GRK5: variants seen among roughly 807,000 people sequenced by gnomAD.
GRK5 encodes g protein-coupled receptor kinase GRK5.
A neutral mutation model predicts 78.4 loss-of-function variants in GRK5; 40 were observed. The observed-to-expected ratio is 0.51, with a 90% CI of 0.40 to 0.66. The LOEUF (loss-of-function observed/expected upper bound fraction) is 0.66. Among genes scored for constraint, GRK5 ranks in the 30% least tolerant of loss-of-function variants. The pLI, the probability that GRK5 is intolerant of heterozygous loss-of-function variation, is 0.00. For synonymous variants in GRK5, 289 were observed against 296.8 expected (o/e 0.97, Z 0.27); for missense variants, 598 against 759.9 (o/e 0.79, Z 2.50).
At chr10:119,453,738 A>G (rs1853342747) in intron 15 of GRK5, among the ~76,000 whole-genome samples, 1 of 152,196 alleles carries the variant, frequency 6.6e-6, no homozygotes. Flanking sequence ...ACGAAGCCTC[A>G]GTCATATAAA....
chr10:119,279,413 G>A (rs1321679208), intron 1 of GRK5, among the ~76,000 whole-genome samples: 5 of 152,162 alleles, frequency 3.3e-5, no homozygotes, highest in African/African-American at 2.4e-5. Flanking sequence ...AAGATGAGCT[G>A]GATAGTTCTT....
rs1852793103 is a variant in GRK5 at position 119,430,466 on chromosome 10, A to G, written c.597+28A>G. 4 of 1,598,116 alleles carry G rather than the reference A, an allele frequency of 2.5e-6. No homozygotes were observed. The highest frequency in any genetic ancestry group is 3.4e-6 in the Non-Finnish European group (4 of 1,167,460). On this transcript the variant is annotated intron_variant, in intron 7 of 15. Coordinates refer to ENST00000392870, the MANE Select transcript of GRK5 (RefSeq NM_005308.3). This position sits in a 1 kb window ranked among gnomAD's most constrained non-coding sequence, Gnocchi z 4.5. ...GAGTGAACATTCACGTTTTTAATTG[A>G]AAGTTCTTACATTCAAGTCACCTTT...
At chr10:119,327,663 G>A (rs1367993223) in intron 2 of GRK5, among the ~76,000 whole-genome samples, 1 of 152,162 alleles carries the variant, frequency 6.6e-6, no homozygotes, top group Non-Finnish European at 1.5e-5. Context: ...GTCCCCACCA[G>A]TTTCCAGGGC....
intron 12 of GRK5, 54 bp downstream of exon 12, chr10:119,443,806 GCCTGGCC>G (rs1853088345): frequency 1.4e-6 from 2 of 1,459,670 alleles, no homozygotes; most frequent in East Asian, 4.7e-5. Flanking sequence ...CCCTCCCTGG[GCCTGGCC>G]CCAGTCTGTC....
At position 119,379,582 on chromosome 10, in the gene GRK5, G is replaced by A. The variant is rs1194571483; in HGVS notation, c.149-1233G>A. ...GACTATAGTCATCCCTTCCCTGCAA[G>A]TTGCTGTCCTTCCCAGGCTCTATCG... is the stretch of plus-strand genomic sequence containing the variant. On this transcript the variant is annotated intron_variant, in intron 2 of 15. Transcript: ENST00000392870. The surrounding 1 kb of genome is among the most constrained non-coding windows in gnomAD (Gnocchi z 4.1). 6.6e-6 allele frequency among the ~76,000 whole-genome samples: 1 copy of A among 152,184 alleles called. No homozygotes were observed. Among genetic ancestry groups the A allele is most frequent in the Non-Finnish European group, 1.5e-5 (1 of 68,028 alleles).
intron 2 of GRK5, among the ~76,000 whole-genome samples, chr10:119,348,186 A>G (rs944151015): frequency 6.6e-6 from 1 of 152,170 alleles, no homozygotes; most frequent in African/African-American, 2.4e-5. Context: ...GGCCACCCAC[A>G]TGCATCCCTC....
intron 8 of GRK5, among the ~76,000 whole-genome samples, chr10:119,434,895 A>G (rs975720929): frequency 2.6e-5 from 4 of 152,234 alleles, no homozygotes; most frequent in African/African-American, 9.6e-5. Context: ...CTTCTACCTG[A>G]GCATTCAGGT....
chr10:119,256,223 G>A (rs1046536887), intron 1 of GRK5, among the ~76,000 whole-genome samples: 5 of 152,038 alleles, frequency 3.3e-5, no homozygotes, highest in Admixed American at 1.3e-4. Flanking sequence ...CAGTGGCCTC[G>A]ACTCCTGTGG....
chr10:119,265,085 C>T (rs1849472407), intron 1 of GRK5, among the ~76,000 whole-genome samples: 1 of 152,218 alleles, frequency 6.6e-6, no homozygotes, highest in Non-Finnish European at 1.5e-5. Flanking sequence ...AACCCAGCAG[C>T]CTTCCCACAT....
In GRK5 at chr10:119,254,457, G is replaced by A. The variant is rs536197609; in HGVS notation, c.52+46488G>A. Among the ~76,000 whole-genome samples the A allele has an allele frequency of 3.9e-5, 6 of 152,236 alleles. No individual in the cohort carries two copies. In the East Asian group the frequency reaches 9.6e-4, roughly 24 times the overall value. On this transcript the variant is annotated intron_variant, in intron 1 of 15. Coordinates refer to ENST00000392870, the MANE Select transcript of GRK5 (RefSeq NM_005308.3). ...ATTTACTGGGGAACAGGCAGACCTG[G>A]TCCTTGTGCTCAGGGGGCTTACAGC...
At chr10:119,411,018 C>T (rs971322970) in intron 4 of GRK5, among the ~76,000 whole-genome samples, 1 of 151,608 alleles carries the variant, frequency 6.6e-6, no homozygotes, top group Non-Finnish European at 1.5e-5. Flanking sequence ...ACCTCATGGC[C>T]TGGGCACAGA....
chr10:119,446,290 C>A (rs78037201), intron 12 of GRK5, among the ~76,000 whole-genome samples: 2 of 152,166 alleles, frequency 1.3e-5, no homozygotes, highest in Non-Finnish European at 2.9e-5. Flanking sequence ...GGGTGTTCAA[C>A]CTGCACACGG....
intron 2 of GRK5, among the ~76,000 whole-genome samples, chr10:119,373,295 T>C (rs1851575828): frequency 6.6e-6 from 1 of 152,200 alleles, no homozygotes; most frequent in South Asian, 2.1e-4. Flanking sequence ...GTAGGTGATA[T>C]GGTTTGGCTA....
intron 1 of GRK5, among the ~76,000 whole-genome samples, chr10:119,260,688 C>T (rs966534769): frequency 1.3e-5 from 2 of 151,672 alleles, no homozygotes; most frequent in African/African-American, 2.4e-5. Context: ...TCTGAGTGGA[C>T]ACAGCACATG....
chr10:119,259,436 T>C (rs71480940), intron 1 of GRK5, among the ~76,000 whole-genome samples: 1 of 152,260 alleles, frequency 6.6e-6, no homozygotes. Flanking sequence ...CTGCTCATTG[T>C]GTTTCTCTTC....
intron 4 of GRK5, among the ~76,000 whole-genome samples, chr10:119,422,159 C>T (rs1358668174): frequency 6.6e-6 from 1 of 152,038 alleles, no homozygotes; most frequent in Non-Finnish European, 1.5e-5. Flanking sequence ...GGTGAGTCAG[C>T]CCCTGGGAAC....
intron 1 of GRK5, among the ~76,000 whole-genome samples, chr10:119,302,172 T>C (rs1245996393): frequency 1.3e-5 from 2 of 152,216 alleles, no homozygotes; most frequent in Non-Finnish European, 2.9e-5. Flanking sequence ...GCTTCCAGAA[T>C]CCCACTTTCA....
intron 3 of GRK5, among the ~76,000 whole-genome samples, chr10:119,385,654 G>A (rs1851781964): frequency 6.6e-6 from 1 of 152,206 alleles, no homozygotes; most frequent in African/African-American, 2.4e-5. Context: ...TGAGAGAAGA[G>A]TTAAGGAAGA....
chr10:119,436,735 A>T lies in GRK5; in HGVS notation c.823A>T (p.Ile275Phe). The change falls in exon 9 of 16, where the codon ATC becomes TTC. Residue 275 changes from isoleucine to phenylalanine, a missense_variant. Ile to Phe is a conservative substitution (Grantham distance 21). Transcript: ENST00000392870. Reference sequence around the variant, plus strand: ...GAATGGGGGTGACCTGAAGTTCCACATCTACAACATGGGCAACCCTGGCTT... The same window carrying T: ...GAATGGGGGTGACCTGAAGTTCCACTTCTACAACATGGGCAACCCTGGCTT... ...IMNGGDLKFH[I>F]YNMGNPGFEE... The T allele has an allele frequency of 1.2e-6, 2 of 1,614,228 alleles. No individual in the cohort carries two copies. The highest frequency in any genetic ancestry group is 1.7e-6 in the Non-Finnish European group (2 of 1,180,028).
Sources: gnomAD v4.1 joint callset for allele counts (sites outside exome capture counted in the v4.1 genomes callset) on GRCh38, gnomAD v4.1.1 for gene constraint, Gnocchi (gnomAD v3.1) non-coding constraint, MANE v1.5 for transcripts, NCBI Gene and HGNC (gene_info 2026-07-23, HGNC 2026-07-21) for gene names.